The following AFF3 variants were observed in gnomAD, a reference collection of about 807,000 sequenced individuals.
AFF3 encodes the protein ALF transcription elongation factor 3.
In AFF3, 32 loss-of-function variants were observed where a neutral mutation model predicts 129.7. That is an observed-to-expected ratio of 0.25 (90% CI 0.19 to 0.33). The LOEUF (loss-of-function observed/expected upper bound fraction) is 0.33. AFF3 is among the 10% of genes least tolerant of loss of function. The pLI is 1.00. For missense variants in AFF3, 1,373 were observed against 1,592.0 expected, an observed-to-expected ratio of 0.86 and a Z score of 2.34; for synonymous variants, 644 against 635.4, an observed-to-expected ratio of 1.01 and a Z score of -0.20.
chr2:100,023,349 T>C (rs1318015685), intron 4 of AFF3, among the ~76,000 whole-genome samples: 2 of 152,174 alleles, frequency 1.3e-5, no homozygotes, highest in South Asian at 4.1e-4. Flanking sequence ...TTTACCAAAT[T>C]TTGTTTATGA....
At chr2:99,853,517 T>C (rs1479390699) in intron 7 of AFF3, among the ~76,000 whole-genome samples, 3 of 152,250 alleles carry the variant, frequency 2.0e-5, no homozygotes, top group Non-Finnish European at 4.4e-5. Flanking sequence ...CTGATCTCAC[T>C]GTCTCAGTAA....
intron 4 of AFF3, among the ~76,000 whole-genome samples, chr2:100,084,310 C>T (rs1055883334): frequency 1.2e-4 from 19 of 152,330 alleles, no homozygotes; most frequent in East Asian, 3.9e-4. Context: ...AAACACTTTA[C>T]GCATATTAGC....
chr2:100,061,737 C>T (rs879758940), intron 4 of AFF3, among the ~76,000 whole-genome samples: 6 of 151,936 alleles, frequency 3.9e-5, no homozygotes, highest in Admixed American at 6.6e-5. Context: ...TTTTTATACC[C>T]CGACCTACTC....
chr2:100,005,655 C>A (rs1186630463), intron 7 of AFF3, among the ~76,000 whole-genome samples: 1 of 152,196 alleles, frequency 6.6e-6, no homozygotes, highest in African/African-American at 2.4e-5. Context: ...GTCACTTGAT[C>A]TTCTCTACAA....
At chr2:99,735,076 T>C (rs2105064127) in intron 10 of AFF3, among the ~76,000 whole-genome samples, 1 of 152,334 alleles carries the variant, frequency 6.6e-6, no homozygotes, top group South Asian at 2.1e-4. Context: ...TATATTTATA[T>C]GTAAATTTCA....
At chr2:99,784,236 T>C (rs1049792658) in intron 8 of AFF3, among the ~76,000 whole-genome samples, 2 of 152,226 alleles carry the variant, frequency 1.3e-5, no homozygotes, top group Non-Finnish European at 2.9e-5. Context: ...CTTGGATAGT[T>C]TCCCATCTAG....
chr2:99,989,655 T>C (rs1210180854), intron 7 of AFF3, among the ~76,000 whole-genome samples: 1 of 152,156 alleles, frequency 6.6e-6, no homozygotes, highest in Non-Finnish European at 1.5e-5. Flanking sequence ...AATGATTTTT[T>C]TAAAAAAAGA....
chr2:99,568,979 C>T (rs1676237441), intron 18 of AFF3, 64 bp from the exon 19 acceptor site: 1 of 1,460,356 alleles, frequency 6.8e-7, no homozygotes, highest in South Asian at 1.1e-5. Flanking sequence ...TTAAAATATT[C>T]CTTCCTTTCA....
chr2:100,045,835 ATATC>A (rs1301279524), intron 4 of AFF3, among the ~76,000 whole-genome samples: 1 of 152,326 alleles, frequency 6.6e-6, no homozygotes, highest in Middle Eastern at 3.4e-3. Context: ...TGTAAGAATA[ATATC>A]TATCATATAT....
intron 11 of AFF3, among the ~76,000 whole-genome samples, chr2:99,692,199 C>T (rs1181770459): frequency 6.6e-6 from 1 of 152,208 alleles, no homozygotes; most frequent in African/African-American, 2.4e-5. Context: ...CTGCCCAAAT[C>T]CAGAGAGGAC....
At position 99,794,044 on chromosome 2, in the gene AFF3, T is replaced by C. The variant is rs538714218; in HGVS notation, c.922-41743A>G. On this transcript the variant is annotated intron_variant, in intron 8 of 24. Coordinates refer to ENST00000672756, the MANE Select transcript of AFF3 (RefSeq NM_001386135.1). ...ATGGATTTAGAAATATGTTGTTTCA[T>C]TTCCCCATATTGGGGGATTTTCCAG... is the stretch of plus-strand genomic sequence containing the variant. Among the ~76,000 whole-genome samples the C allele has an allele frequency of 2.0e-5, 3 of 152,388 alleles. No homozygotes were observed. The East Asian group carries it at 5.8e-4, about 29-fold the overall frequency.
At chr2:99,800,163 A>AC (rs1268782885) in intron 8 of AFF3, among the ~76,000 whole-genome samples, 2 of 152,214 alleles carry the variant, frequency 1.3e-5, no homozygotes, top group African/African-American at 4.8e-5. Context: ...TAGAGAAGAT[A>AC]TTTGCAAAGT....
At chr2:99,605,152 T>A (rs1023096583) in intron 13 of AFF3, among the ~76,000 whole-genome samples, 1 of 152,244 alleles carries the variant, frequency 6.6e-6, no homozygotes, top group East Asian at 1.9e-4. Flanking sequence ...CTGAATTACA[T>A]TGGCAGAAAA....
At chr2:99,899,062 GGCACA>G (rs1376540222) in intron 7 of AFF3, among the ~76,000 whole-genome samples, 5 of 152,154 alleles carry the variant, frequency 3.3e-5, no homozygotes, top group Non-Finnish European at 1.5e-5. Flanking sequence ...CACAGGGCTG[GGCACA>G]CAGATTGTCT....
chr2:99,696,894 C>T (rs1676335932), intron 11 of AFF3, among the ~76,000 whole-genome samples: 1 of 152,174 alleles, frequency 6.6e-6, no homozygotes, highest in Non-Finnish European at 1.5e-5. Flanking sequence ...GATCCTGCTA[C>T]CTTGGCGTCC....
chr2:100,131,860 G>A (rs6730729), intron 1 of AFF3, among the ~76,000 whole-genome samples: 2 of 152,290 alleles, frequency 1.3e-5, no homozygotes, highest in African/African-American at 4.8e-5. Context: ...TCTAAGAAGG[G>A]TTCATATCTT....
chr2:99,922,203 C>G (rs1351998296), intron 7 of AFF3, among the ~76,000 whole-genome samples: 2 of 152,062 alleles, frequency 1.3e-5, no homozygotes, highest in African/African-American at 4.8e-5. Context: ...ACTCCATAAC[C>G]CAGCACTTTC....
At chr2:100,107,751 G>C (rs775468385) in intron 2 of AFF3, among the ~76,000 whole-genome samples, 3 of 152,114 alleles carry the variant, frequency 2.0e-5, no homozygotes, top group Non-Finnish European at 4.4e-5. Context: ...GCTCAGTCTG[G>C]GGCCCTACTC....
chr2:99,989,229 T>C (rs985974296), intron 7 of AFF3, among the ~76,000 whole-genome samples: 4 of 152,226 alleles, frequency 2.6e-5, no homozygotes, highest in African/African-American at 9.6e-5. Flanking sequence ...GTTAGAAATA[T>C]GGCTCCTCAG....
Sources: gnomAD v4.1 joint callset for allele counts (sites outside exome capture counted in the v4.1 genomes callset) on GRCh38, gnomAD v4.1.1 for gene constraint, MANE v1.5 for transcripts, NCBI Gene and HGNC (gene_info 2026-07-23, HGNC 2026-07-21) for gene names.